Variants in ACADSB observed in about 807,000 individuals in gnomAD.
ACADSB encodes the protein acyl-CoA dehydrogenase short/branched chain.
In ACADSB, 40 loss-of-function variants were observed where a neutral mutation model predicts 54.1. That is an observed-to-expected ratio of 0.74 (90% confidence interval 0.57 to 0.96). The LOEUF is 0.96. ACADSB is among the 40% of genes least tolerant of loss of function. ACADSB has a pLI of 0.00. For missense variants in ACADSB, 530 were observed against 510.4 expected (o/e 1.04, Z -0.37); for synonymous variants, 182 against 182.8 (o/e 1.00, Z 0.03).
At chr10:123,045,162 TATATATATA>T (rs1450893927) in intron 7 of ACADSB, among the ~76,000 whole-genome samples, 107 of 15,166 alleles carry the variant, frequency 7.1e-3, no homozygotes, top group African/African-American at 8.8e-3. Flanking sequence ...TATATATATA[TATATATATA>T]TTTTTTTTTT....
At chr10:123,047,130 T>G in intron 7 of ACADSB, 79 bp from the exon 8 acceptor site, 1 of 1,171,754 alleles carries the variant, frequency 8.5e-7, no homozygotes, top group Non-Finnish European at 1.2e-6. Context: ...TCAATTTATG[T>G]TTAGAGGGAA....
chr10:123,051,193 A>T lies in ACADSB; in HGVS notation c.1128+7A>T. The T allele has an allele frequency of 3.6e-6, 3 of 830,292 alleles. No individual in the cohort carries two copies. Among genetic ancestry groups the T allele is most frequent in the Non-Finnish European group, 4.9e-6 (3 of 607,544 alleles). 51.4% of individuals were successfully genotyped at this position (830,292 alleles called of 1,614,324 possible). ...CAAATACTATGCATCAGAGGTAAAA[A>T]AAAAAAAAAAAAAAAAAAAGGAAAA... On this transcript the variant is annotated splice_region_variant and intron_variant, in intron 9 of 10. Coordinates refer to ENST00000358776, the MANE Select transcript of ACADSB (RefSeq NM_001609.4).
At chr10:123,032,057 G>A (rs1850334520) in intron 1 of ACADSB, among the ~76,000 whole-genome samples, 1 of 151,758 alleles carries the variant, frequency 6.6e-6, no homozygotes, top group Non-Finnish European at 1.5e-5. Flanking sequence ...TTGGCTCACT[G>A]CAACCTCTGC....
chr10:123,016,257 C>T (rs886978034), intron 1 of ACADSB, among the ~76,000 whole-genome samples: 5 of 152,262 alleles, frequency 3.3e-5, no homozygotes, highest in Middle Eastern at 6.8e-3. Context: ...ATTGGGCAGC[C>T]CCCAGAACCA....
intron 1 of ACADSB, among the ~76,000 whole-genome samples, chr10:123,016,776 A>G (rs938086286): frequency 3.3e-5 from 5 of 152,234 alleles, no homozygotes; most frequent in Admixed American, 1.3e-4. Flanking sequence ...ATTCTGTGAC[A>G]TATGTGTTTT....
At position 123,056,718 on chromosome 10, in the gene ACADSB, G is replaced by A. The variant is rs546903177; in HGVS notation, c.*2953G>A. ...GCAGTTGCTTAGAATAATCATTACT[G>A]TTATATGAGAAACATTTTAGTAATT... On this transcript the variant is annotated 3_prime_UTR_variant, in exon 11 of 11. Transcript: ENST00000358776. 1.3e-5 allele frequency: 2 copies of A among 152,284 alleles called. No individual in the cohort carries two copies. The highest frequency in any genetic ancestry group is 2.9e-5 in the Non-Finnish European group (2 of 68,024). 9.4% of individuals were successfully genotyped at this position (152,284 alleles called of 1,614,324 possible).
In ACADSB at chr10:123,034,470, C is replaced by T. The variant is rs150022323; in HGVS notation, c.157C>T (p.Pro53Ser). 1.5e-4 allele frequency: 248 copies of T among 1,612,328 alleles called. No homozygotes were observed. The highest frequency in any genetic ancestry group is 2.0e-4 in the Non-Finnish European group (239 of 1,179,930). ...AACAAATAATGGAATACACTTTGCT[C>T]CCCTGCAAACATTTACAGATGAGGA... ...NITNNGIHFA[P>S]LQTFTDEEMM... Residue 53 changes from proline (P) to serine (S), a missense_variant, in exon 2 of 11, where the codon CCC becomes TCC. Physicochemically the swap from Pro to Ser is moderately conservative, Grantham distance 74. Transcript: ENST00000358776.
intron 1 of ACADSB, among the ~76,000 whole-genome samples, chr10:123,025,192 A>G (rs1319996684): frequency 6.6e-6 from 1 of 152,222 alleles, no homozygotes; most frequent in Non-Finnish European, 1.5e-5. Context: ...ACAGTCGCTC[A>G]TGTCTGCAAT....
At chr10:123,039,964 A>G (rs1850448077) in intron 3 of ACADSB, among the ~76,000 whole-genome samples, 2 of 152,312 alleles carry the variant, frequency 1.3e-5, no homozygotes, top group African/African-American at 2.4e-5. Flanking sequence ...TCAAATATAC[A>G]GTTTCTGTTA....
At chr10:123,011,671 C>A (rs776825178) in intron 1 of ACADSB, among the ~76,000 whole-genome samples, 1 of 151,862 alleles carries the variant, frequency 6.6e-6, no homozygotes, top group South Asian at 2.1e-4. Context: ...GGATTACAGG[C>A]GCCTGCCACC....
In ACADSB at chr10:123,051,188, T is replaced by TAAAAAAAAAAAAAAAAAAAAAAAAG; in HGVS notation, c.1128+3_1128+27dup. The stretch of plus-strand genomic sequence containing the variant: ...ATGGCCAAATACTATGCATCAGAGG[T>TAAAAAAAAAAAAAAAAAAAAAAAAG]AAAAAAAAAAAAAAAAAAAAAAAAG... On this transcript the variant is annotated splice_region_variant and intron_variant, in intron 9 of 10. Coordinates refer to ENST00000358776, the MANE Select transcript of ACADSB (RefSeq NM_001609.4). The TAAAAAAAAAAAAAAAAAAAAAAAAG allele has an allele frequency of 9.8e-7, 1 of 1,015,738 alleles. No individual in the cohort carries two copies. Among genetic ancestry groups the TAAAAAAAAAAAAAAAAAAAAAAAAG allele is most frequent in the South Asian group, 2.0e-5 (1 of 50,622 alleles). The allele number at this position is 1,015,738 out of a possible 1,614,324, so 62.9% of individuals were successfully genotyped here.
At chr10:123,044,608 A>G in intron 7 of ACADSB, 123 bp downstream of exon 7, 4 of 775,908 alleles carry the variant, frequency 5.2e-6, no homozygotes, top group East Asian at 5.4e-5. Flanking sequence ...CCCTTACATG[A>G]GGGATAGAAT....
In ACADSB at chr10:123,042,931, G is replaced by A; in HGVS notation, c.682-115G>A. ...CATAATGCCCATGTTGCAATTCTGAGTCCATTAGTATTTATTACCAAAGTC... is the reference window on the plus strand; with the variant it reads ...CATAATGCCCATGTTGCAATTCTGAATCCATTAGTATTTATTACCAAAGTC... On this transcript the variant is annotated intron_variant, in intron 5 of 10. Transcript: ENST00000358776. 5 of 1,184,940 alleles carry A rather than the reference G, an allele frequency of 4.2e-6. No individual in the cohort carries two copies. The South Asian group carries it at 6.5e-5, about 15-fold the overall frequency. 73.4% of individuals were successfully genotyped at this position (1,184,940 alleles called of 1,614,324 possible). A position where few individuals can be genotyped will look rare whatever the true frequency, so the allele number is the denominator to read the frequency against.
intron 9 of ACADSB, among the ~76,000 whole-genome samples, chr10:123,051,532 T>C (rs1470061153): frequency 6.6e-6 from 1 of 152,154 alleles, no homozygotes; most frequent in Non-Finnish European, 1.5e-5. Flanking sequence ...TGGCTGAGCC[T>C]CCTCTGAATG....
chr10:123,014,466 C>G, intron 1 of ACADSB, among the ~76,000 whole-genome samples: 1 of 152,204 alleles, frequency 6.6e-6, no homozygotes, highest in East Asian at 1.9e-4. Flanking sequence ...TCCCAAAGTG[C>G]TGGGATTGCA....
intron 3 of ACADSB, 46 bp from the exon 4 acceptor site, chr10:123,040,420 T>C (rs1225878191): frequency 2.6e-6 from 4 of 1,511,174 alleles, no homozygotes. Context: ...AATTTCCCCA[T>C]ATAAAAATAG....
rs1294010422 is a variant in ACADSB, at chr10:123,024,803, C to CAAA, written c.43-9552_43-9550dup. On this transcript the variant is annotated intron_variant, in intron 1 of 10. Coordinates refer to ENST00000358776, the MANE Select transcript of ACADSB (RefSeq NM_001609.4). ...CCCAGTTACAGAATTTTCTGGGGTT[C>CAAA]AAATACACTCTAGAGGTTTCCCATT... Among the ~76,000 whole-genome samples, 469 of 152,352 alleles carry CAAA rather than the reference C, an allele frequency of 3.1e-3. 2 individuals are homozygous for CAAA. Among genetic ancestry groups the CAAA allele is most frequent in the African/African-American group, 0.011 (442 of 41,582 alleles).
chr10:123,049,458 A>G (rs1474525264), intron 8 of ACADSB, among the ~76,000 whole-genome samples: 1 of 152,230 alleles, frequency 6.6e-6, no homozygotes, highest in Non-Finnish European at 1.5e-5. Flanking sequence ...TCAGTACTTA[A>G]TGTGGCAAAG....
At chr10:123,043,710 G>A (rs1360047193) in intron 6 of ACADSB, among the ~76,000 whole-genome samples, 4 of 152,094 alleles carry the variant, frequency 2.6e-5, no homozygotes, top group Non-Finnish European at 5.9e-5. Flanking sequence ...TGAGGGGGAG[G>A]ATGTCTTTAC....
Sources: allele counts gnomAD v4.1 joint callset (sites outside exome capture counted in the v4.1 genomes callset), GRCh38; gene constraint gnomAD v4.1.1; transcripts MANE v1.5; gene names NCBI Gene and HGNC (gene_info 2026-07-23, HGNC 2026-07-21).